Variants in ARHGAP27 observed in about 807,000 individuals in gnomAD.
ARHGAP27 encodes Rho GTPase activating protein 27.
A neutral mutation model predicts 102.0 loss-of-function variants in ARHGAP27; 53 were observed. The ratio of observed to expected loss-of-function variants is 0.52; its 90% CI spans 0.42 to 0.65. The LOEUF is 0.65. Ranked by LOEUF, ARHGAP27 falls within the 30% of genes least tolerant of loss-of-function variation. ARHGAP27 has a pLI of 0.00. For synonymous variants in ARHGAP27, 525 were observed against 542.8 expected (o/e 0.97, Z 0.46); for missense variants, 1,117 against 1,256.2 (o/e 0.89, Z 1.68).
chr17:45,396,310 C>T, intron 16 of ARHGAP27, 26 bp from the exon 17 acceptor site: 1 of 1,592,592 alleles, frequency 6.3e-7, no homozygotes, highest in South Asian at 1.1e-5. Flanking sequence ...GCGCTGATCC[C>T]GGGTTCAGGG....
chr17:45,397,671 T>G, intron 13 of ARHGAP27: 1 of 379,986 alleles, frequency 2.6e-6, no homozygotes, highest in Non-Finnish European at 4.7e-6. Flanking sequence ...TTGCAGAGTA[T>G]TTATTTGGCC....
chr17:45,416,827 G>A (rs1334629183), intron 4 of ARHGAP27, among the ~76,000 whole-genome samples: 3 of 149,296 alleles, frequency 2.0e-5, no homozygotes, highest in Admixed American at 6.6e-5. Flanking sequence ...GATTACAGGC[G>A]TGAGCCACCG....
In ARHGAP27 at chr17:45,403,996, C is replaced by A. The variant is rs754041909; in HGVS notation, c.1547+33G>T. 3.7e-6 allele frequency: 6 copies of A among 1,612,044 alleles called. No individual in the cohort carries two copies. The Admixed American group carries it at 5.0e-5, about 13-fold the overall frequency. On this transcript the variant is annotated intron_variant, in intron 10 of 19. Coordinates refer to ENST00000685559, the MANE Select transcript of ARHGAP27 (RefSeq NM_001282290.2). ...AGTGAACATCGTCACCAAGGCCCAC[C>A]CTGCCCCGGCCTGAGTGTAGATGGG...
intron 4 of ARHGAP27, among the ~76,000 whole-genome samples, chr17:45,419,843 G>A (rs1427666227): frequency 1.3e-5 from 2 of 151,880 alleles, no homozygotes; most frequent in Non-Finnish European, 2.9e-5. Context: ...AAAAAAAGGG[G>A]GGGAACAAAC....
At chr17:45,426,208 G>A (rs2049579215) in intron 4 of ARHGAP27, among the ~76,000 whole-genome samples, 1 of 152,120 alleles carries the variant, frequency 6.6e-6, no homozygotes, top group Non-Finnish European at 1.5e-5. Context: ...GGCCGTGTGA[G>A]CTTCGTCGTG....
At position 45,429,516 on chromosome 17, in the gene ARHGAP27, C is replaced by A. The variant is rs754549838; in HGVS notation, c.657+107G>T. 131 of 1,525,750 alleles carry A rather than the reference C, an allele frequency of 8.6e-5. No individual in the cohort carries two copies. The highest frequency in any genetic ancestry group is 1.1e-4 in the Non-Finnish European group (124 of 1,152,326). The allele number at this position is 1,525,750 out of a possible 1,614,324, so 94.5% of individuals were successfully genotyped here. A position where few individuals can be genotyped will look rare whatever the true frequency, so the allele number is the denominator to read the frequency against. On this transcript the variant is annotated intron_variant, in intron 4 of 19. Coordinates refer to ENST00000685559, the MANE Select transcript of ARHGAP27 (RefSeq NM_001282290.2). Reference sequence around the variant, plus strand: ...TCCGAAGTCTTCGGACAGAGGTGGGCGTCGTGCCCGACGCTGAGCGGAGCG... The same window carrying A: ...TCCGAAGTCTTCGGACAGAGGTGGGAGTCGTGCCCGACGCTGAGCGGAGCG...
intron 4 of ARHGAP27, chr17:45,407,892 A>G (rs1458064787): frequency 6.6e-6 from 1 of 152,070 alleles, no homozygotes; most frequent in African/African-American, 2.4e-5. Context: ...GTTTTCGGAA[A>G]CTTTCCAAAA....
At chr17:45,410,462 T>TG in intron 4 of ARHGAP27, 3 of 1,167,422 alleles carry the variant, frequency 2.6e-6, no homozygotes, top group Non-Finnish European at 3.3e-6. Flanking sequence ...CTGCCTGAGT[T>TG]GGGGCGGGTG....
chr17:45,426,438 C>A (rs2049605304), intron 4 of ARHGAP27, among the ~76,000 whole-genome samples: 1 of 152,060 alleles, frequency 6.6e-6, no homozygotes, highest in East Asian at 1.9e-4. Context: ...GATTAGAGTG[C>A]ATGGGGAGTG....
intron 4 of ARHGAP27, 174 bp downstream of exon 4, chr17:45,429,449 G>T (rs759805059): frequency 2.8e-6 from 4 of 1,451,554 alleles, no homozygotes; most frequent in Non-Finnish European, 3.6e-6. Flanking sequence ...GGGACTGCGG[G>T]CGTGCACCCC....
chr17:45,423,638 T>A (rs1182151120), intron 4 of ARHGAP27, among the ~76,000 whole-genome samples: 1 of 152,106 alleles, frequency 6.6e-6, no homozygotes, highest in Non-Finnish European at 1.5e-5. Flanking sequence ...CCATACAATA[T>A]CATAACTGGA....
chr17:45,430,290 G>A lies in ARHGAP27; in HGVS notation c.-11C>T. ...CACGTCCGCCGCCATCGCAGCCGCG[G>A]CGTTTTCCTGCGGGCAACAAGAAGG... On this transcript the variant is annotated 5_prime_UTR_variant, in exon 4 of 20. Coordinates refer to ENST00000685559, the MANE Select transcript of ARHGAP27 (RefSeq NM_001282290.2). This position sits in a 1 kb window ranked among gnomAD's most constrained non-coding sequence, Gnocchi z 4.4. The A allele has an allele frequency of 3.2e-6, 5 of 1,558,688 alleles. No individual in the cohort carries two copies. Among genetic ancestry groups the A allele is most frequent in the Non-Finnish European group, 4.3e-6 (5 of 1,160,830 alleles).
chr17:45,427,115 CG>C lies in ARHGAP27; in HGVS notation c.657+2507del, dbSNP rs2049691764. On this transcript the variant is annotated intron_variant, in intron 4 of 19. Transcript: ENST00000685559. This position sits in a 1 kb window ranked among gnomAD's most constrained non-coding sequence, Gnocchi z 4.5. The stretch of plus-strand genomic sequence containing the variant: ...AACCTGATTTCCCTCCCACCTCCCT[CG>C]GCCCCCAGACCCTGCCCATCCATCT... Among the ~76,000 whole-genome samples, 1 of 151,988 alleles carries C rather than the reference CG, an allele frequency of 6.6e-6. No individual in the cohort carries two copies. Among genetic ancestry groups the C allele is most frequent in the Non-Finnish European group, 1.5e-5 (1 of 68,000 alleles).
At position 45,413,310 on chromosome 17, in the gene ARHGAP27, G is replaced by A. The variant is rs190718577; in HGVS notation, c.658-7227C>T. ...ATCTTATTGCATGGATGTGGGGTGA[G>A]ATTCCAAATGTAACGGTTTCAGGTG... On this transcript the variant is annotated intron_variant, in intron 4 of 19. Transcript: ENST00000685559. Among the ~76,000 whole-genome samples the A allele has an allele frequency of 1.1e-3, 163 of 152,240 alleles. 1 individual carries two copies. Among genetic ancestry groups the A allele is most frequent in the Middle Eastern group, 3.4e-3 (1 of 294 alleles).
chr17:45,429,095 C>A (rs2049850446), intron 4 of ARHGAP27, among the ~76,000 whole-genome samples: 1 of 152,276 alleles, frequency 6.6e-6, no homozygotes, highest in African/African-American at 2.4e-5. Context: ...TCTCATCTGA[C>A]CCCAGACTCC....
chr17:45,400,914 A>AATAATCATAATCATAATC (rs71136085), intron 12 of ARHGAP27, among the ~76,000 whole-genome samples: 14 of 148,002 alleles, frequency 9.5e-5, no homozygotes, highest in East Asian at 4.1e-4. Context: ...GACTCTGGAT[A>AATAATCATAATCATAATC]ATAATCATAA....
At chr17:45,429,357 T>G in intron 4 of ARHGAP27, 1 of 1,261,416 alleles carries the variant, frequency 7.9e-7, no homozygotes, top group Non-Finnish European at 1.0e-6. Context: ...TCACATCAGT[T>G]CAAGCGCAAT....
At chr17:45,419,512 G>GTATATATATATATA (rs71136087) in intron 4 of ARHGAP27, among the ~76,000 whole-genome samples, 1 of 119,792 alleles carries the variant, frequency 8.3e-6, no homozygotes, top group Non-Finnish European at 1.7e-5. Context: ...TATGCTGTAT[G>GTATATATATATATA]TATATATATA....
At chr17:45,429,081 A>T (rs1386148293) in intron 4 of ARHGAP27, among the ~76,000 whole-genome samples, 2 of 152,200 alleles carry the variant, frequency 1.3e-5, no homozygotes, top group East Asian at 3.9e-4. Context: ...TTTCACATCC[A>T]CCCTCTCATC....
Sources: allele counts gnomAD v4.1 joint callset (sites outside exome capture counted in the v4.1 genomes callset), GRCh38; gene constraint gnomAD v4.1.1; non-coding constraint Gnocchi (gnomAD v3.1); transcripts MANE v1.5; gene names NCBI Gene and HGNC (gene_info 2026-07-23, HGNC 2026-07-21).